The following CCP110 variants were observed in gnomAD, a reference collection of about 807,000 sequenced individuals.
CCP110 encodes the protein centriolar coiled-coil protein of 110 kDa.
Under a neutral mutation model 105.5 loss-of-function variants are expected in CCP110, and 43 were observed. That is an observed-to-expected ratio of 0.41 (90% CI 0.32 to 0.53). The LOEUF (loss-of-function observed/expected upper bound fraction) is 0.53, where lower values mean the gene tolerates loss of function less well. Among genes scored for constraint, CCP110 ranks in the 20% least tolerant of loss-of-function variants. CCP110 has a pLI of 0.32. For missense variants in CCP110, 1,016 were observed against 1,189.1 expected (o/e 0.85, Z 2.14); for synonymous variants, 353 against 392.1 (o/e 0.90, Z 1.18).
intron 2 of CCP110, 101 bp downstream of exon 2, chr16:19,528,123 C>A (rs573818114): frequency 3.2e-6 from 3 of 935,066 alleles, no homozygotes; most frequent in Non-Finnish European, 4.7e-6. Flanking sequence ...GAAGAGATGC[C>A]CTCATTCAGA....
chr16:19,529,602 T>C (rs1969792320), intron 2 of CCP110, among the ~76,000 whole-genome samples: 1 of 152,232 alleles, frequency 6.6e-6, no homozygotes, highest in African/African-American at 2.4e-5. Context: ...AAAAATTGCC[T>C]AGCTATTTGA....
intron 1 of CCP110, chr16:19,524,987 G>A (rs977990493): frequency 1.3e-5 from 2 of 152,148 alleles, no homozygotes; most frequent in Admixed American, 1.3e-4. Flanking sequence ...GACGGATACC[G>A]TGATCATCCC....
chr16:19,537,229 A>G (rs749705871), exon 4 of CCP110: 1 of 1,614,154 alleles, frequency 6.2e-7, no homozygotes. Flanking sequence ...CAAACTTTGG[A>G]ACTGTGAGTG....
At chr16:19,541,285 A>C (rs1970268286) in intron 5 of CCP110, among the ~76,000 whole-genome samples, 1 of 151,270 alleles carries the variant, frequency 6.6e-6, no homozygotes, top group African/African-American at 2.4e-5. Context: ...AAAAAAAAGA[A>C]CGACACTTGT....
At chr16:19,540,141 A>T (rs540600727) in intron 4 of CCP110, among the ~76,000 whole-genome samples, 2 of 152,216 alleles carry the variant, frequency 1.3e-5, no homozygotes, top group Non-Finnish European at 2.9e-5. Context: ...GGAAGCTTGT[A>T]TTGTCATAAT....
At chr16:19,530,121 C>T (rs977832659) in intron 2 of CCP110, among the ~76,000 whole-genome samples, 5 of 151,824 alleles carry the variant, frequency 3.3e-5, no homozygotes, top group South Asian at 2.1e-4. Context: ...CACCTGAGCC[C>T]GGGAGGCTGA....
At chr16:19,533,937 C>T (rs1035486890) in intron 3 of CCP110, among the ~76,000 whole-genome samples, 3 of 152,150 alleles carry the variant, frequency 2.0e-5, no homozygotes, top group African/African-American at 7.2e-5. Flanking sequence ...ATTTCAGTTA[C>T]TCGAAATCCC....
chr16:19,543,001 T>A lies in CCP110; in HGVS notation c.2484+7T>A. On this transcript the variant is annotated splice_region_variant and intron_variant, in intron 8 of 14. Transcript: ENST00000381396. ...ACTTCGACAAACTGTAAAAGTAAGA[T>A]TCCTGTAAATCGTTTGTATTTCACT... 7.0e-7 allele frequency: 1 copy of A among 1,418,620 alleles called. No homozygotes were observed. 87.9% of individuals were successfully genotyped at this position (1,418,620 alleles called of 1,614,324 possible).
exon 9 of CCP110, chr16:19,544,837 C>A: frequency 6.2e-7 from 1 of 1,604,096 alleles, no homozygotes; most frequent in Non-Finnish European, 8.5e-7. Flanking sequence ...TCAGAAGCAC[C>A]ATTAAAGAGA....
At chr16:19,531,965 CAAA>C (rs35419402) in intron 2 of CCP110, among the ~76,000 whole-genome samples, 2 of 80,052 alleles carry the variant, frequency 2.5e-5, no homozygotes, top group Non-Finnish European at 5.2e-5. Flanking sequence ...GACTCCATCT[CAAA>C]AAAAAAAAAA....
intron 14 of CCP110, among the ~76,000 whole-genome samples, chr16:19,549,212 A>G (rs973249549): frequency 5.9e-5 from 9 of 152,216 alleles, no homozygotes; most frequent in African/African-American, 2.2e-4. Context: ...AATATTTTTT[A>G]GGTATCTTTG....
chr16:19,545,016 G>C, intron 9 of CCP110, 78 bp from the exon 10 acceptor site: 1 of 967,604 alleles, frequency 1.0e-6, no homozygotes, highest in Non-Finnish European at 1.6e-6. Context: ...CTATAAATAA[G>C]TGTACATGGT....
chr16:19,524,664 C>T (rs914721812), intron 1 of CCP110: 2 of 152,224 alleles, frequency 1.3e-5, no homozygotes, highest in Admixed American at 6.5e-5. Flanking sequence ...GGTTACGATC[C>T]AAGCTCCCTA....
chr16:19,548,052 A>G lies in CCP110; in HGVS notation c.2900+38A>G. Reference sequence around the variant, plus strand: ...CACACGGGTATTGAAAACTACGGAAACCAAGATTAGATTTGAGAGGGAAAA... The same window carrying G: ...CACACGGGTATTGAAAACTACGGAAGCCAAGATTAGATTTGAGAGGGAAAA... On this transcript the variant is annotated intron_variant, in intron 13 of 14. Coordinates refer to ENST00000381396, the Ensembl canonical transcript of CCP110. This position sits in a 1 kb window ranked among gnomAD's most constrained non-coding sequence, Gnocchi z 4.1. 1 of 1,367,450 alleles carries G rather than the reference A, an allele frequency of 7.3e-7. No individual in the cohort carries two copies. Among genetic ancestry groups the G allele is most frequent in the Non-Finnish European group, 1.0e-6 (1 of 958,504 alleles). 84.7% of individuals were successfully genotyped at this position (1,367,450 alleles called of 1,614,324 possible).
intron 3 of CCP110, among the ~76,000 whole-genome samples, chr16:19,535,650 G>A (rs1364101743): frequency 1.3e-5 from 2 of 152,138 alleles, no homozygotes; most frequent in Non-Finnish European, 2.9e-5. Context: ...ATATGTGTGT[G>A]TGTATACACA....
In CCP110 at chr16:19,542,780, C is replaced by T; in HGVS notation, c.2367+20C>T. 1 of 1,597,652 alleles carries T rather than the reference C, an allele frequency of 6.3e-7. No individual in the cohort carries two copies. Among genetic ancestry groups the T allele is most frequent in the Non-Finnish European group, 8.6e-7 (1 of 1,165,184 alleles). ...TCTCAAGTGGGTAAACTTAATGATA[C>T]ATGTCCATCTATCTATTTATCTTTT... On this transcript the variant is annotated intron_variant, in intron 7 of 14. Coordinates refer to ENST00000381396, the Ensembl canonical transcript of CCP110.
intron 4 of CCP110, among the ~76,000 whole-genome samples, chr16:19,539,154 AATT>A (rs1035864474): frequency 2.9e-4 from 44 of 152,074 alleles, no homozygotes; most frequent in African/African-American, 1.0e-3. Flanking sequence ...AATTAATAAA[AATT>A]ATTATTTCAG....
exon 6 of CCP110, chr16:19,541,941 G>A: frequency 6.2e-7 from 1 of 1,605,658 alleles, no homozygotes; most frequent in Non-Finnish European, 8.5e-7. Context: ...GACAGCGGAA[G>A]CCTCTGAGTT....
intron 6 of CCP110, 68 bp downstream of exon 6, chr16:19,542,132 T>C: frequency 9.8e-7 from 1 of 1,024,808 alleles, no homozygotes. Context: ...TTTGGCACAC[T>C]ATAAGATTAT....
Sources: gnomAD v4.1 joint callset for allele counts (sites outside exome capture counted in the v4.1 genomes callset) on GRCh38, gnomAD v4.1.1 for gene constraint, Gnocchi (gnomAD v3.1) non-coding constraint, MANE v1.5 for transcripts, NCBI Gene and HGNC (gene_info 2026-07-23, HGNC 2026-07-21) for gene names.